NPAS3: variants seen among roughly 807,000 people sequenced by gnomAD.
NPAS3 encodes neuronal PAS domain protein 3, also known as neuronal PAS domain-containing protein 3.
Under a neutral mutation model 73.1 loss-of-function variants are expected in NPAS3, and 14 were observed. The ratio of observed to expected loss-of-function variants is 0.19; its 90% CI spans 0.13 to 0.30. NPAS3 has a LOEUF of 0.30. Among genes scored for constraint, NPAS3 ranks in the 10% least tolerant of loss-of-function variants. The pLI, the probability that NPAS3 is intolerant of heterozygous loss-of-function variation, is 1.00. For missense variants in NPAS3, 1,096 were observed against 1,250.0 expected (o/e 0.88, Z 1.86); for synonymous variants, 620 against 541.5 (o/e 1.14, Z -2.01).
intron 2 of NPAS3, among the ~76,000 whole-genome samples, chr14:33,203,878 G>A (rs2046718696): frequency 6.6e-6 from 1 of 152,142 alleles, no homozygotes; most frequent in Non-Finnish European, 1.5e-5. Context: ...TCTAGTTCTA[G>A]ATCCCTGAGG....
chr14:33,435,291 G>A (rs954809096), intron 4 of NPAS3, among the ~76,000 whole-genome samples: 19 of 152,116 alleles, frequency 1.2e-4, no homozygotes, highest in African/African-American at 4.6e-4. Context: ...GGTTTGATGA[G>A]CTTAGCTAGC....
intron 5 of NPAS3, among the ~76,000 whole-genome samples, chr14:33,595,875 T>A (rs1254581422): frequency 6.6e-6 from 1 of 152,184 alleles, no homozygotes; most frequent in African/African-American, 2.4e-5. Context: ...TTTCACCGTG[T>A]TAGCCAGGAT....
chr14:33,220,283 T>A (rs2139704488), intron 3 of NPAS3, among the ~76,000 whole-genome samples: 1 of 152,168 alleles, frequency 6.6e-6, no homozygotes, highest in East Asian at 1.9e-4. Context: ...TCCCAATCCA[T>A]AGTAGGTGGT....
chr14:33,031,100 G>A (rs2039972382), intron 1 of NPAS3, among the ~76,000 whole-genome samples: 1 of 152,080 alleles, frequency 6.6e-6, no homozygotes, highest in Admixed American at 6.6e-5. Context: ...ATTTTAAGGA[G>A]AGCCAAAATT....
chr14:33,233,740 G>A (rs898254152), intron 3 of NPAS3, among the ~76,000 whole-genome samples: 1 of 152,124 alleles, frequency 6.6e-6, no homozygotes, highest in African/African-American at 2.4e-5. Flanking sequence ...AGGTGACCTT[G>A]TTCCTAAATT....
chr14:33,647,284 CTCTCTCTATA>C (rs1194954376), intron 5 of NPAS3, among the ~76,000 whole-genome samples: 65 of 151,358 alleles, frequency 4.3e-4, no homozygotes, highest in African/African-American at 1.4e-3. Flanking sequence ...CTCTCTCTCT[CTCTCTCTATA>C]TATATATATA....
chr14:33,555,458 A>T (rs1043822259), intron 4 of NPAS3, among the ~76,000 whole-genome samples: 1 of 152,304 alleles, frequency 6.6e-6, no homozygotes, highest in African/African-American at 2.4e-5. Flanking sequence ...AAAAAAAATT[A>T]AAAAGTAGCC....
At chr14:33,572,150 A>G (rs752368735) in intron 5 of NPAS3, among the ~76,000 whole-genome samples, 10 of 152,212 alleles carry the variant, frequency 6.6e-5, no homozygotes, top group Admixed American at 1.3e-4. Flanking sequence ...CACAGAAAAT[A>G]TATAAAATTC....
intron 3 of NPAS3, among the ~76,000 whole-genome samples, chr14:33,330,400 AC>A (rs1160117448): frequency 2.2e-4 from 34 of 152,150 alleles, no homozygotes; most frequent in African/African-American, 8.0e-4. Context: ...TTCCTGTGGG[AC>A]CTTGGGCAAG....
intron 4 of NPAS3, among the ~76,000 whole-genome samples, chr14:33,505,989 G>A (rs1019417248): frequency 6.6e-6 from 1 of 151,702 alleles, no homozygotes; most frequent in African/African-American, 2.4e-5. Flanking sequence ...CCATATCCAC[G>A]CGTTCTTTCT....
intron 3 of NPAS3, among the ~76,000 whole-genome samples, chr14:33,252,523 ATTC>A (rs1372811963): frequency 6.6e-6 from 1 of 152,002 alleles, no homozygotes; most frequent in African/African-American, 2.4e-5. Flanking sequence ...TGTAGTGGTT[ATTC>A]TTTTATTGGT....
upstream of NPAS3, among the ~76,000 whole-genome samples, chr14:32,935,601 A>T (rs2035672040): frequency 6.6e-6 from 1 of 152,230 alleles, no homozygotes; most frequent in Non-Finnish European, 1.5e-5. Flanking sequence ...AGATTCAGGG[A>T]TACAAGTTAG....
chr14:33,147,718 A>G (rs1213227717), intron 2 of NPAS3, among the ~76,000 whole-genome samples: 3 of 104,162 alleles, frequency 2.9e-5, no homozygotes, highest in Admixed American at 2.4e-4. Context: ...TAGAACTTAA[A>G]GTAGAATAAA....
intron 5 of NPAS3, among the ~76,000 whole-genome samples, chr14:33,604,788 C>T (rs1450578352): frequency 6.6e-6 from 1 of 151,948 alleles, no homozygotes; most frequent in Non-Finnish European, 1.5e-5. Context: ...AACTAGAAAT[C>T]ATAACAGAAA....
chr14:33,540,835 C>T (rs981134916), intron 4 of NPAS3, among the ~76,000 whole-genome samples: 4 of 152,098 alleles, frequency 2.6e-5, no homozygotes, highest in Non-Finnish European at 5.9e-5. Context: ...TTGGGGAAAA[C>T]GTGACAGGTA....
At chr14:33,211,104 A>G (rs946380701) in intron 2 of NPAS3, among the ~76,000 whole-genome samples, 1 of 152,302 alleles carries the variant, frequency 6.6e-6, no homozygotes, top group South Asian at 2.1e-4. Context: ...GATCTTATTT[A>G]AAAAAGACTC....
intron 4 of NPAS3, among the ~76,000 whole-genome samples, chr14:33,410,685 A>G (rs1430662077): frequency 6.6e-6 from 1 of 152,172 alleles, no homozygotes; most frequent in African/African-American, 2.4e-5. Flanking sequence ...TCACTCTGTC[A>G]CCCAGGCTGG....
intron 2 of NPAS3, among the ~76,000 whole-genome samples, chr14:33,177,070 T>TAC (rs199751839): frequency 1.8e-5 from 2 of 113,054 alleles, no homozygotes; most frequent in African/African-American, 6.2e-5. Flanking sequence ...CTGTTTATCT[T>TAC]TTTATTATTA....
At chr14:33,474,278 G>A (rs2050917742) in intron 4 of NPAS3, among the ~76,000 whole-genome samples, 1 of 152,110 alleles carries the variant, frequency 6.6e-6, no homozygotes, top group African/African-American at 2.4e-5. Context: ...AATGAACTGA[G>A]TAGAAGTTTG....
Sources: gnomAD v4.1 joint callset for allele counts (sites outside exome capture counted in the v4.1 genomes callset) on GRCh38, gnomAD v4.1.1 for gene constraint, MANE v1.5 for transcripts, NCBI Gene and HGNC (gene_info 2026-07-23, HGNC 2026-07-21) for gene names.